CHML: variants seen among roughly 807,000 people sequenced by gnomAD.
The protein encoded by CHML is rab proteins geranylgeranyltransferase component A 2.
A neutral mutation model predicts 30.4 loss-of-function variants in CHML; 20 were observed. That is an observed-to-expected ratio of 0.66 (90% CI 0.46 to 0.95). The LOEUF (loss-of-function observed/expected upper bound fraction) is 0.95. CHML is among the 40% of genes least tolerant of loss of function. The probability of loss-of-function intolerance (pLI) is 0.00; values close to 1 mark genes in which losing one functional copy is unlikely to be tolerated. For synonymous variants in CHML, 281 were observed against 275.0 expected (o/e 1.02, Z -0.22); for missense variants, 795 against 768.5 (o/e 1.03, Z -0.41).
chr1:241,633,697 T>G lies in CHML; in HGVS notation c.*99A>C. The G allele has an allele frequency of 8.0e-7, 1 of 1,250,874 alleles. No individual in the cohort carries two copies. Among genetic ancestry groups the G allele is most frequent in the Non-Finnish European group, 1.1e-6 (1 of 885,596 alleles). 77.5% of individuals were successfully genotyped at this position (1,250,874 alleles called of 1,614,324 possible). A position where few individuals can be genotyped will look rare whatever the true frequency, so the allele number is the denominator to read the frequency against. ...ACATCTGCATAGCATTCATCATATATAACCACTTCTAATTACTCATATGGG... is the reference window on the plus strand; with the variant it reads ...ACATCTGCATAGCATTCATCATATAGAACCACTTCTAATTACTCATATGGG... On this transcript the variant is annotated 3_prime_UTR_variant, in exon 2 of 2. Transcript: ENST00000366553.
chr1:241,639,623 G>A (rs1665033633), intron 1 of CHML, among the ~76,000 whole-genome samples: 2 of 151,904 alleles, frequency 1.3e-5, no homozygotes, highest in African/African-American at 4.8e-5. Flanking sequence ...AACGTGGGGG[G>A]CAGATGAGAG....
rs1476287591 is a variant in CHML, at chr1:241,635,031, C to T, written c.736G>A (p.Asp246Asn). ...CTAACATCTGATTTGATTAAAAGAT[C>T]AATTAGCAATCCTTGAGAATACAGC... ...KLLYSQGLLIDLLIKSDVSRY... is the reference protein window; with the variant it reads ...KLLYSQGLLINLLIKSDVSRY... The change falls in exon 2 of 2, where the codon GAT becomes AAT. Residue 246 changes from aspartate (D) to asparagine (N), a missense_variant. Coordinates refer to ENST00000366553, the MANE Select transcript of CHML (RefSeq NM_001381853.1). The T allele has an allele frequency of 1.2e-6, 2 of 1,613,150 alleles. No individual in the cohort carries two copies. Among genetic ancestry groups the T allele is most frequent in the Non-Finnish European group, 1.7e-6 (2 of 1,179,758 alleles).
At chr1:241,639,788 C>A (rs1573971095) in intron 1 of CHML, 94 bp downstream of exon 1, 1 of 1,072,074 alleles carries the variant, frequency 9.3e-7, no homozygotes, top group South Asian at 1.9e-5. Context: ...GGAAGCGGTG[C>A]GGGGCGGGCT....
rs763138761 is a variant in CHML, at chr1:241,633,888, C to A, written c.1879G>T (p.Ala627Ser). 1.1e-5 allele frequency: 17 copies of A among 1,613,710 alleles called. No individual in the cohort carries two copies. Among genetic ancestry groups the A allele is most frequent in the Middle Eastern group, 1.6e-4 (1 of 6,084 alleles). The stretch of plus-strand genomic sequence containing the variant: ...ATTACTACATTATTGGTTCCAGGAG[C>A]CTCTGGCTGCTTATCATCACCATCA... ...IFDGDDKQPE[A>S]PGTNNVVMAK... Residue 627 changes from alanine (A) to serine (S), a missense_variant, in exon 2 of 2, where the codon GCT becomes TCT. Coordinates refer to ENST00000366553, the MANE Select transcript of CHML (RefSeq NM_001381853.1).
rs1452517181 is a variant in CHML, at chr1:241,640,139, C to A, written c.-565G>T. 6 of 1,584,484 alleles carry A rather than the reference C, an allele frequency of 3.8e-6. No homozygotes were observed. The highest frequency in any genetic ancestry group is 5.1e-6 in the Non-Finnish European group (6 of 1,167,426). ...CAGCAGCGCCAGGCGCTCGTAGGTGCCGGGGCTGAAGAGGGGCGCGGGGCT... is the reference window on the plus strand; with the variant it reads ...CAGCAGCGCCAGGCGCTCGTAGGTGACGGGGCTGAAGAGGGGCGCGGGGCT... On this transcript the variant is annotated 5_prime_UTR_variant, in exon 1 of 2. Transcript: ENST00000366553.
At position 241,631,037 on chromosome 1, in the gene CHML, C is replaced by G. The variant is rs1413568349; in HGVS notation, c.*2759G>C. The G allele has an allele frequency of 6.6e-6, 1 of 152,030 alleles. No individual in the cohort carries two copies. Among genetic ancestry groups the G allele is most frequent in the African/African-American group, 2.4e-5 (1 of 41,386 alleles). The allele number at this position is 152,030 out of a possible 1,614,324, so 9.4% of individuals were successfully genotyped here. On this transcript the variant is annotated 3_prime_UTR_variant, in exon 2 of 2. Coordinates refer to ENST00000366553, the MANE Select transcript of CHML (RefSeq NM_001381853.1). ...CAAAAGACAATTTGAAGCATACTGTCCTTCATGATACATGGATAGACATTA... is the reference window on the plus strand; with the variant it reads ...CAAAAGACAATTTGAAGCATACTGTGCTTCATGATACATGGATAGACATTA...
Position 241,634,960 on chromosome 1 carries a change from C to T in CHML, c.807G>A (p.Arg269=), listed in dbSNP as rs753086407. 18 of 1,613,518 alleles carry T rather than the reference C, an allele frequency of 1.1e-5. No individual in the cohort carries two copies. In the African/African-American group the frequency reaches 2.3e-4, roughly 20 times the overall value. The change falls in exon 2 of 2, where the codon CGG becomes CGA. Residue 269 remains arginine, a synonymous_variant. Transcript: ENST00000366553. Reference sequence around the variant, plus strand: ...AAGGAACTTGTTCTACCTTTCCTTCCCGAAATGCAAGAATCCTAGTGACAT... The same window carrying T: ...AAGGAACTTGTTCTACCTTTCCTTCTCGAAATGCAAGAATCCTAGTGACAT... ...FKNVTRILAF[R]EGKVEQVPCS... is the part of the protein sequence containing the mutation.
chr1:241,640,317 C>G lies in CHML; in HGVS notation c.-743G>C, dbSNP rs1665078539. 9.1e-7 allele frequency: 1 copy of G among 1,096,712 alleles called. No individual in the cohort carries two copies. The highest frequency in any genetic ancestry group is 5.1e-5 in the Admixed American group (1 of 19,456). 67.9% of individuals were successfully genotyped at this position (1,096,712 alleles called of 1,614,324 possible). A position where few individuals can be genotyped will look rare whatever the true frequency, so the allele number is the denominator to read the frequency against. On this transcript the variant is annotated 5_prime_UTR_variant, in exon 1 of 2. Transcript: ENST00000366553. ...AGCTTGCGGCGGGGCTCGCGGCGCGCTCCGCACTGGGTGGGGTTGGGGCTC... is the reference window on the plus strand; with the variant it reads ...AGCTTGCGGCGGGGCTCGCGGCGCGGTCCGCACTGGGTGGGGTTGGGGCTC...
In CHML at chr1:241,635,133, G is replaced by A. The variant is rs1664832755; in HGVS notation, c.634C>T (p.Pro212Ser). ...KSTVEDKADEPIRNRITYSQI... is the reference protein window; with the variant it reads ...KSTVEDKADESIRNRITYSQI... ...GAGTAAGTAATCCTATTTCTAATTG[G>A]TTCATCGGCCTTATCTTCTACTGTA... is the stretch of plus-strand genomic sequence containing the variant. The change falls in exon 2 of 2, where the codon CCA becomes TCA. Residue 212 changes from proline to serine, a missense_variant. Pro to Ser is a moderately conservative substitution (Grantham distance 74). Coordinates refer to ENST00000366553, the MANE Select transcript of CHML (RefSeq NM_001381853.1). The A allele has an allele frequency of 6.2e-7, 1 of 1,612,500 alleles. No homozygotes were observed. Among genetic ancestry groups the A allele is most frequent in the Non-Finnish European group, 8.5e-7 (1 of 1,179,892 alleles).
chr1:241,638,696 G>A (rs1664997098), intron 1 of CHML, among the ~76,000 whole-genome samples: 1 of 152,104 alleles, frequency 6.6e-6, no homozygotes, highest in South Asian at 2.1e-4. Flanking sequence ...CTTATGAGGG[G>A]CGGGGAGGAA....
Position 241,635,472 on chromosome 1 carries a change from T to C in CHML, c.295A>G (p.Thr99Ala). 3 of 1,613,870 alleles carry C rather than the reference T, an allele frequency of 1.9e-6. No individual in the cohort carries two copies. The South Asian group carries it at 3.3e-5, about 18-fold the overall frequency. ...TGACTGGCGTAGCAAAAAGCTTCTG[T>C]GTGTTGAATAGTTTCATCCTTCTTG... ...LRKKDETIQH[T>A]EAFCYASQDM... Residue 99 changes from threonine to alanine, a missense_variant, in exon 2 of 2, where the codon ACA (threonine) becomes GCA (alanine). Coordinates refer to ENST00000366553, the MANE Select transcript of CHML (RefSeq NM_001381853.1).
rs769272147 is a variant in CHML, at chr1:241,636,282, T to G, written c.-307-209A>C. ...CAGCCCTCCCAAGAATCAGGCAACA[T>G]AGTAATAGAGAATGAACATAATGTT... On this transcript the variant is annotated intron_variant, in intron 1 of 1. Coordinates refer to ENST00000366553, the MANE Select transcript of CHML (RefSeq NM_001381853.1). Among the ~76,000 whole-genome samples the G allele has an allele frequency of 1.7e-3, 258 of 152,170 alleles. 1 individual carries two copies. The highest frequency in any genetic ancestry group is 2.0e-3 in the Non-Finnish European group (136 of 68,008).
rs1391388187 is a variant in CHML, at chr1:241,640,225, G to C, written c.-651C>G. 7.5e-7 allele frequency: 1 copy of C among 1,329,166 alleles called. No homozygotes were observed. The highest frequency in any genetic ancestry group is 1.5e-5 in the African/African-American group (1 of 64,566). 82.3% of individuals were successfully genotyped at this position (1,329,166 alleles called of 1,614,324 possible). Reference sequence around the variant, plus strand: ...CGGCCCCGCCGCCGTCCCAGTAGCCGTGGCCGCCGCTGCGGTTCCCCGAGT... The same window carrying C: ...CGGCCCCGCCGCCGTCCCAGTAGCCCTGGCCGCCGCTGCGGTTCCCCGAGT... On this transcript the variant is annotated 5_prime_UTR_variant, in exon 1 of 2. Transcript: ENST00000366553.
In CHML at chr1:241,633,791, C is replaced by T. The variant is rs1318700684; in HGVS notation, c.*5G>A. The T allele has an allele frequency of 1.9e-6, 3 of 1,612,686 alleles. No individual in the cohort carries two copies. In the African/African-American group the frequency reaches 4.0e-5, roughly 22 times the overall value. On this transcript the variant is annotated 3_prime_UTR_variant, in exon 2 of 2. Coordinates refer to ENST00000366553, the MANE Select transcript of CHML (RefSeq NM_001381853.1). ...TCCAAAACAGCATTTCGAGATTGCT[C>T]TTTTCTAATTTTGAAGGTGCTTCTC...
Position 241,629,203 on chromosome 1 carries a change from C to G in CHML, c.*4593G>C, listed in dbSNP as rs1206079304. 6.6e-6 allele frequency: 1 copy of G among 152,130 alleles called. No individual in the cohort carries two copies. The highest frequency in any genetic ancestry group is 1.5e-5 in the Non-Finnish European group (1 of 67,968). 9.4% of individuals were successfully genotyped at this position (152,130 alleles called of 1,614,324 possible). On this transcript the variant is annotated 3_prime_UTR_variant, in exon 2 of 2. Coordinates refer to ENST00000366553, the MANE Select transcript of CHML (RefSeq NM_001381853.1). ...AGTGGAACTGCTAGAAAACTTTGTA[C>G]AAATAGCTTTTCTTTCTTTTAAATA...
At position 241,640,103 on chromosome 1, in the gene CHML, A is replaced by G. The variant is rs201734451; in HGVS notation, c.-529T>C. On this transcript the variant is annotated 5_prime_UTR_variant, in exon 1 of 2. Transcript: ENST00000366553. ...GTTGTTGCCGACGCCCAGCAGCCCAATGGAGCCCAGCAGCAGCGCCAGGCG... is the reference window on the plus strand; with the variant it reads ...GTTGTTGCCGACGCCCAGCAGCCCAGTGGAGCCCAGCAGCAGCGCCAGGCG... 83 of 1,605,886 alleles carry G rather than the reference A, an allele frequency of 5.2e-5. No homozygotes were observed. Among genetic ancestry groups the G allele is most frequent in the African/African-American group, 1.1e-4 (8 of 73,848 alleles).
At chr1:241,637,241 C>A (rs1328864613) in intron 1 of CHML, among the ~76,000 whole-genome samples, 1 of 152,150 alleles carries the variant, frequency 6.6e-6, no homozygotes, top group Non-Finnish European at 1.5e-5. Context: ...GACTAATAAT[C>A]CTGGATACTG....
Position 241,632,450 on chromosome 1 carries a change from C to T in CHML, c.*1346G>A, listed in dbSNP as rs2148024059. On this transcript the variant is annotated 3_prime_UTR_variant, in exon 2 of 2. Coordinates refer to ENST00000366553, the MANE Select transcript of CHML (RefSeq NM_001381853.1). ...CTAGGTACCAAACACATGATAAATA[C>T]TATTTCAGAGCAAAAACTGTCACAG... 6.6e-6 allele frequency: 1 copy of T among 152,230 alleles called. No individual in the cohort carries two copies. Among genetic ancestry groups the T allele is most frequent in the South Asian group, 2.1e-4 (1 of 4,832 alleles). 9.4% of individuals were successfully genotyped at this position (152,230 alleles called of 1,614,324 possible).
In CHML at chr1:241,635,629, G is replaced by A. The variant is rs1664867089; in HGVS notation, c.138C>T (p.Asn46=). The A allele has an allele frequency of 3.1e-6, 5 of 1,614,098 alleles. No homozygotes were observed. Among genetic ancestry groups the A allele is most frequent in the Non-Finnish European group, 4.2e-6 (5 of 1,179,946 alleles). ...HIDSRSYYGG[N]WASFSFSGLL... ...ATCCTGAAAAGCTGAAACTAGCCCA[G>A]TTTCCTCCATAGTAGCTTCTTGAAT... The change falls in exon 2 of 2, where the codon AAC becomes AAT. Residue 46 remains asparagine, a synonymous_variant. Transcript: ENST00000366553.
Sources: allele counts gnomAD v4.1 joint callset (sites outside exome capture counted in the v4.1 genomes callset), GRCh38; gene constraint gnomAD v4.1.1; transcripts MANE v1.5; gene names NCBI Gene and HGNC (gene_info 2026-07-23, HGNC 2026-07-21).